Variants in CDH13 observed in about 807,000 individuals in gnomAD.
The protein encoded by CDH13 is cadherin-13.
A neutral mutation model predicts 63.8 loss-of-function variants in CDH13; 24 were observed. The observed-to-expected ratio is 0.38, with a 90% CI of 0.27 to 0.53. CDH13 has a LOEUF of 0.53. CDH13 is among the 20% of genes least tolerant of loss of function. The pLI is 0.85. For synonymous variants in CDH13, 503 were observed against 355.3 expected, an observed-to-expected ratio of 1.42 and a Z score of -4.67; for missense variants, 1,049 against 903.1, an observed-to-expected ratio of 1.16 and a Z score of -2.07.
At chr16:83,706,169 C>T (rs1319494807) in intron 10 of CDH13, among the ~76,000 whole-genome samples, 1 of 152,182 alleles carries the variant, frequency 6.6e-6, no homozygotes, top group East Asian at 1.9e-4. Context: ...TTGTTGATTG[C>T]TGTCAGCCAG....
chr16:83,700,790 T>C (rs2150907512), intron 10 of CDH13, among the ~76,000 whole-genome samples: 1 of 152,336 alleles, frequency 6.6e-6, no homozygotes, highest in African/African-American at 2.4e-5. Flanking sequence ...ATTTTGTTAA[T>C]TCCACAGGCG....
At chr16:82,955,006 A>G (rs1905857146) in intron 2 of CDH13, among the ~76,000 whole-genome samples, 1 of 152,222 alleles carries the variant, frequency 6.6e-6, no homozygotes, top group Non-Finnish European at 1.5e-5. Flanking sequence ...TTGCCTGGAT[A>G]TATCACATTT....
At chr16:82,903,764 C>G (rs981776242) in intron 2 of CDH13, among the ~76,000 whole-genome samples, 4 of 152,122 alleles carry the variant, frequency 2.6e-5, no homozygotes, top group African/African-American at 9.7e-5. Context: ...AGTAACAAGC[C>G]TGGAATAACC....
chr16:83,367,521 A>G (rs1597844573), intron 6 of CDH13, among the ~76,000 whole-genome samples: 1 of 152,206 alleles, frequency 6.6e-6, no homozygotes, highest in East Asian at 1.9e-4. Flanking sequence ...TGGGAATGGA[A>G]TTGCTGAGTT....
intron 2 of CDH13, among the ~76,000 whole-genome samples, chr16:83,001,016 T>C (rs2151422980): frequency 6.6e-6 from 1 of 152,356 alleles, no homozygotes; most frequent in South Asian, 2.1e-4. Context: ...ACCATTCAGA[T>C]GTATCACTTG....
chr16:82,819,601 G>A (rs1169346843), intron 1 of CDH13, among the ~76,000 whole-genome samples: 3 of 152,146 alleles, frequency 2.0e-5, no homozygotes, highest in Admixed American at 6.5e-5. Context: ...GGGAGACAGA[G>A]GAAATTAAGA....
At chr16:83,397,091 C>T (rs190291709) in intron 6 of CDH13, among the ~76,000 whole-genome samples, 5 of 152,150 alleles carry the variant, frequency 3.3e-5, no homozygotes, top group South Asian at 2.1e-4. Flanking sequence ...CTGATCTCAC[C>T]GCCGCCCCCT....
intron 6 of CDH13, among the ~76,000 whole-genome samples, chr16:83,481,840 C>T (rs1425606880): frequency 1.3e-5 from 2 of 152,158 alleles, no homozygotes; most frequent in Admixed American, 6.5e-5. Context: ...TATAATTACC[C>T]TTTCTCTGCT....
chr16:82,682,990 C>T (rs981745055), intron 1 of CDH13, among the ~76,000 whole-genome samples: 2 of 152,294 alleles, frequency 1.3e-5, no homozygotes, highest in African/African-American at 2.4e-5. Flanking sequence ...TGAATTAGAC[C>T]TCGGGTTCAA....
intron 2 of CDH13, among the ~76,000 whole-genome samples, chr16:82,995,731 C>T (rs1025233891): frequency 6.6e-6 from 1 of 152,150 alleles, no homozygotes; most frequent in African/African-American, 2.4e-5. Flanking sequence ...CTTCTGGAAG[C>T]AGGAAGCCAC....
At chr16:83,602,306 C>A in intron 7 of CDH13, 148 bp from the exon 8 acceptor site, 1 of 799,848 alleles carries the variant, frequency 1.3e-6, no homozygotes, top group Non-Finnish European at 2.2e-6. Context: ...CATTTATACA[C>A]AATAGGTAAA....
chr16:83,745,775 A>C (rs1318388095), intron 10 of CDH13, among the ~76,000 whole-genome samples: 2 of 152,188 alleles, frequency 1.3e-5, no homozygotes, highest in Admixed American at 1.3e-4. Flanking sequence ...CACAGGAGGC[A>C]TCCCTCTGGC....
intron 13 of CDH13, among the ~76,000 whole-genome samples, chr16:83,791,445 G>C (rs1678459575): frequency 6.6e-6 from 1 of 151,238 alleles, no homozygotes; most frequent in South Asian, 2.1e-4. Flanking sequence ...GCAATAAGCT[G>C]AGATCATGCC....
In CDH13 at chr16:83,748,211, A is replaced by G. The variant is rs1351511994; in HGVS notation, c.1642A>G (p.Asn548Asp). Residue 548 changes from asparagine (N) to aspartate (D), a missense_variant, in exon 11 of 14, where the codon AAC becomes GAC. By Grantham distance (23) the Asn-to-Asp change is conservative. Coordinates refer to ENST00000567109, the MANE Select transcript of CDH13 (RefSeq NM_001257.5). ...VLDRESPFVD[N>D]SVYTALFLAI... Reference sequence around the variant, plus strand: ...GGACCGTGAGTCCCCATTTGTCGACAACAGCGTGTACACTGCTCTCTTCCT... The same window carrying G: ...GGACCGTGAGTCCCCATTTGTCGACGACAGCGTGTACACTGCTCTCTTCCT... The G allele has an allele frequency of 1.9e-6, 3 of 1,613,832 alleles. No individual in the cohort carries two copies. The highest frequency in any genetic ancestry group is 2.7e-5 in the African/African-American group (2 of 74,938).
intron 7 of CDH13, among the ~76,000 whole-genome samples, chr16:83,527,079 C>T (rs933653144): frequency 4.0e-5 from 6 of 151,710 alleles, no homozygotes; most frequent in East Asian, 3.9e-4. Flanking sequence ...TGCTGTAAGC[C>T]GAGATTATGC....
chr16:82,967,084 A>T (rs2151357696), intron 2 of CDH13, among the ~76,000 whole-genome samples: 1 of 152,284 alleles, frequency 6.6e-6, no homozygotes, highest in South Asian at 2.1e-4. Flanking sequence ...ACCATGACAT[A>T]GTTGAAGATT....
intron 6 of CDH13, among the ~76,000 whole-genome samples, chr16:83,469,377 G>C (rs1442537148): frequency 6.6e-6 from 1 of 152,168 alleles, no homozygotes; most frequent in African/African-American, 2.4e-5. Flanking sequence ...AAATATTTCA[G>C]AGGCTTCAGT....
chr16:83,550,705 A>T (rs774712787), intron 7 of CDH13, among the ~76,000 whole-genome samples: 1 of 152,184 alleles, frequency 6.6e-6, no homozygotes, highest in Non-Finnish European at 1.5e-5. Flanking sequence ...GATCACATCT[A>T]CTTTGTTCAC....
intron 2 of CDH13, among the ~76,000 whole-genome samples, chr16:82,999,503 T>C (rs761419957): frequency 6.6e-6 from 1 of 151,878 alleles, no homozygotes; most frequent in Non-Finnish European, 1.5e-5. Flanking sequence ...GATACCAAGA[T>C]ACGTGTTCAA....
Sources: gnomAD v4.1 joint callset for allele counts (sites outside exome capture counted in the v4.1 genomes callset) on GRCh38, gnomAD v4.1.1 for gene constraint, MANE v1.5 for transcripts, NCBI Gene and HGNC (gene_info 2026-07-23, HGNC 2026-07-21) for gene names.